Variants in PACS2 observed in about 807,000 individuals in gnomAD.
PACS2 encodes PACS1-like protein.
A neutral mutation model predicts 113.0 loss-of-function variants in PACS2; 36 were observed. That is an observed-to-expected ratio of 0.32 (90% CI 0.24 to 0.42). The LOEUF is 0.42. PACS2 is among the 10% of genes least tolerant of loss of function. The probability of loss-of-function intolerance (pLI) is 1.00; values close to 1 mark genes in which losing one functional copy is unlikely to be tolerated. For missense variants in PACS2, 1,015 were observed against 1,239.5 expected (o/e 0.82, Z 2.72); for synonymous variants, 589 against 536.1 (o/e 1.10, Z -1.36).
rs368051873 is a variant in PACS2 at position 105,383,413 on chromosome 14, G to A, written c.1680G>A (p.Ala560=). 388 of 1,608,070 alleles carry A rather than the reference G, an allele frequency of 2.4e-4. 1 individual carries two copies. Among genetic ancestry groups the A allele is most frequent in the South Asian group, 8.4e-4 (76 of 91,018 alleles). Residue 560 remains alanine, a synonymous_variant, in exon 16 of 25, where the codon GCG becomes GCA. Coordinates refer to ENST00000447393, the MANE Select transcript of PACS2 (RefSeq NM_001100913.3). ...PTPVKIAVAG[A]QHYLSAILRL... ...CCGTGAAGATCGCCGTGGCGGGAGC[G>A]CAGCATTACCTCAGTGCCATCCTGC...
At chr14:105,391,590 C>T in intron 21 of PACS2, 41 bp from the exon 22 acceptor site, 2 of 1,587,368 alleles carry the variant, frequency 1.3e-6, no homozygotes, top group Non-Finnish European at 8.5e-7. Context: ...CCGGGCAGAG[C>T]AGCAGGTGGG....
At chr14:105,389,629 G>C (rs1324607148) in intron 19 of PACS2, 1 of 360,726 alleles carries the variant, frequency 2.8e-6, no homozygotes, top group Non-Finnish European at 5.3e-6. Context: ...CTGTGTGGGC[G>C]TCGGGCACCT....
rs964179449 is a variant in PACS2 at position 105,317,767 on chromosome 14, G to A, written c.119+2730G>A. Among the ~76,000 whole-genome samples, 1 of 152,192 alleles carries A rather than the reference G, an allele frequency of 6.6e-6. No homozygotes were observed. Among genetic ancestry groups the A allele is most frequent in the Non-Finnish European group, 1.5e-5 (1 of 68,030 alleles). ...GGTGCACTCCCCGTGTCAGCCTGGTGGAGTGTGCACATTGACTGTTTGCCA... is the reference window on the plus strand; with the variant it reads ...GGTGCACTCCCCGTGTCAGCCTGGTAGAGTGTGCACATTGACTGTTTGCCA... On this transcript the variant is annotated intron_variant, in intron 1 of 24. Coordinates refer to ENST00000447393, the MANE Select transcript of PACS2 (RefSeq NM_001100913.3). The surrounding 1 kb of genome is among the most constrained non-coding windows in gnomAD (Gnocchi z 4.2).
intron 1 of PACS2, among the ~76,000 whole-genome samples, chr14:105,301,741 C>T (rs2058037174): frequency 6.6e-6 from 1 of 152,222 alleles, no homozygotes; most frequent in Non-Finnish European, 1.5e-5. Context: ...TCGCTGTGCC[C>T]CCTGCCCAGA....
At position 105,340,465 on chromosome 14, in the gene PACS2, T is replaced by C. The variant is rs781873795; in HGVS notation, c.120-8028T>C. ...GTTTTTCCACAGACGGTGATGGGAA[T>C]GGTTTCCAGTGAAACTGTCCCACCT... On this transcript the variant is annotated intron_variant, in intron 1 of 24. Transcript: ENST00000447393. The surrounding 1 kb of genome is among the most constrained non-coding windows in gnomAD (Gnocchi z 4.2). Among the ~76,000 whole-genome samples the C allele has an allele frequency of 3.3e-5, 5 of 152,212 alleles. No individual in the cohort carries two copies. The highest frequency in any genetic ancestry group is 2.9e-5 in the Non-Finnish European group (2 of 68,046).
rs782122939 is a variant in PACS2, at chr14:105,383,443, C to G, written c.1710C>G (p.Leu570=). 5.0e-6 allele frequency: 8 copies of G among 1,609,642 alleles called. No homozygotes were observed. Among genetic ancestry groups the G allele is most frequent in the South Asian group, 4.4e-5 (4 of 91,080 alleles). Residue 570 remains leucine (L), a synonymous_variant, in exon 16 of 25, where the codon CTC becomes CTG. Transcript: ENST00000447393. ...AQHYLSAILR[L]FVEQLSHKTP... is the part of the protein sequence containing the mutation. ...ATTACCTCAGTGCCATCCTGCGGCT[C>G]TTTGTGGAGCAGCTGTCCCACAAGA...
chr14:105,345,386 A>G (rs898867989), intron 1 of PACS2, among the ~76,000 whole-genome samples: 5 of 152,206 alleles, frequency 3.3e-5, no homozygotes, highest in African/African-American at 1.2e-4. Flanking sequence ...CAGCCTGGGC[A>G]ACAGAGCGAG....
chr14:105,387,069 G>T (rs1341870743), intron 19 of PACS2, among the ~76,000 whole-genome samples: 1 of 152,180 alleles, frequency 6.6e-6, no homozygotes, highest in East Asian at 1.9e-4. Flanking sequence ...GTGTTGCAGG[G>T]GTGACACTGG....
rs932844231 is a variant in PACS2, at chr14:105,324,554, G to A, written c.119+9517G>A. Among the ~76,000 whole-genome samples, 2 of 152,206 alleles carry A rather than the reference G, an allele frequency of 1.3e-5. No homozygotes were observed. Among genetic ancestry groups the A allele is most frequent in the Admixed American group, 6.5e-5 (1 of 15,288 alleles). ...GAGGCAGCCCTAAAAATAGCCGAGC[G>A]CTGAGAGGCCGTCCCTTTCTGCTCC... On this transcript the variant is annotated intron_variant, in intron 1 of 24. Coordinates refer to ENST00000447393, the MANE Select transcript of PACS2 (RefSeq NM_001100913.3). This position sits in a 1 kb window ranked among gnomAD's most constrained non-coding sequence, Gnocchi z 4.7.
At chr14:105,311,313 G>C (rs1249876900), upstream of PACS2, among the ~76,000 whole-genome samples, 1 of 152,010 alleles carries the variant, frequency 6.6e-6, no homozygotes, top group Admixed American at 6.6e-5. Context: ...GAGTGCAGTG[G>C]TGTGATCCTG....
At chr14:105,362,816 A>C (rs911118337) in intron 4 of PACS2, among the ~76,000 whole-genome samples, 2 of 152,144 alleles carry the variant, frequency 1.3e-5, no homozygotes, top group Admixed American at 6.6e-5. Flanking sequence ...GCGTCATTGC[A>C]CTCCAGCCTG....
At chr14:105,378,099 T>C (rs782200596) in intron 9 of PACS2, among the ~76,000 whole-genome samples, 16 of 152,210 alleles carry the variant, frequency 1.1e-4, no homozygotes, top group Non-Finnish European at 2.2e-4. Flanking sequence ...CCCCTCACAC[T>C]TTGGGCCTCC....
Position 105,317,199 on chromosome 14 carries a change from C to T in PACS2, c.119+2162C>T, listed in dbSNP as rs587723128. Among the ~76,000 whole-genome samples, 101 of 152,314 alleles carry T rather than the reference C, an allele frequency of 6.6e-4. No individual in the cohort carries two copies. The highest frequency in any genetic ancestry group is 2.4e-3 in the African/African-American group (100 of 41,564). On this transcript the variant is annotated intron_variant, in intron 1 of 24. Coordinates refer to ENST00000447393, the MANE Select transcript of PACS2 (RefSeq NM_001100913.3). The surrounding 1 kb of genome is among the most constrained non-coding windows in gnomAD (Gnocchi z 4.2). Reference sequence around the variant, plus strand: ...TTCACTGCTGCGTACTATTCACTGGCGTGACAGTACCTCGGCTTTGCTTCT... The same window carrying T: ...TTCACTGCTGCGTACTATTCACTGGTGTGACAGTACCTCGGCTTTGCTTCT...
intron 1 of PACS2, among the ~76,000 whole-genome samples, chr14:105,302,875 C>T (rs2058080960): frequency 6.6e-6 from 1 of 152,190 alleles, no homozygotes; most frequent in South Asian, 2.1e-4. Context: ...GCCACTGCTC[C>T]CCGCCCTGTC....
In PACS2 at chr14:105,354,671, G is replaced by A. The variant is rs1156798488; in HGVS notation, c.298-381G>A. 2.0e-5 allele frequency among the ~76,000 whole-genome samples: 3 copies of A among 152,204 alleles called. No individual in the cohort carries two copies. The highest frequency in any genetic ancestry group is 4.4e-5 in the Non-Finnish European group (3 of 68,022). On this transcript the variant is annotated intron_variant, in intron 3 of 24. Coordinates refer to ENST00000447393, the MANE Select transcript of PACS2 (RefSeq NM_001100913.3). The surrounding 1 kb of genome is among the most constrained non-coding windows in gnomAD (Gnocchi z 4.2). ...CCCTGTGTGCCCCTCGCGGAAAAGC[G>A]TCCTGGGTCCCACCTTGCTGATTGC... is the stretch of plus-strand genomic sequence containing the variant.
intron 19 of PACS2, chr14:105,389,740 G>A: frequency 1.7e-6 from 1 of 595,050 alleles, no homozygotes; most frequent in Non-Finnish European, 3.0e-6. Context: ...ATGTCAGCAT[G>A]TCAGAAGGGG....
chr14:105,314,026 G>A (rs990733282), upstream of PACS2, among the ~76,000 whole-genome samples: 2 of 152,278 alleles, frequency 1.3e-5, no homozygotes, highest in Non-Finnish European at 2.9e-5. Context: ...CGCTGAATAA[G>A]GATGCTGGGA....
intron 8 of PACS2, among the ~76,000 whole-genome samples, chr14:105,373,471 T>C (rs2061232965): frequency 6.6e-6 from 1 of 152,294 alleles, no homozygotes. Context: ...GGGGGAAGAA[T>C]AGTCTTCAAC....
chr14:105,366,938 C>T lies in PACS2; in HGVS notation c.424-275C>T, dbSNP rs1336476420. Among the ~76,000 whole-genome samples the T allele has an allele frequency of 2.6e-5, 4 of 152,188 alleles. No individual in the cohort carries two copies. Among genetic ancestry groups the T allele is most frequent in the Non-Finnish European group, 4.4e-5 (3 of 68,018 alleles). On this transcript the variant is annotated intron_variant, in intron 4 of 24. Coordinates refer to ENST00000447393, the MANE Select transcript of PACS2 (RefSeq NM_001100913.3). This position sits in a 1 kb window ranked among gnomAD's most constrained non-coding sequence, Gnocchi z 4.3. ...CTGGCACTGGCCTCTCCAGCACAGC[C>T]CAGTGCCCTCTGCTTATGGCCCGTT...
Sources: allele counts gnomAD v4.1 joint callset (sites outside exome capture counted in the v4.1 genomes callset), GRCh38; gene constraint gnomAD v4.1.1; non-coding constraint Gnocchi (gnomAD v3.1); transcripts MANE v1.5; gene names NCBI Gene and HGNC (gene_info 2026-07-23, HGNC 2026-07-21).